SEMA3D: variants seen among roughly 807,000 people sequenced by gnomAD.
SEMA3D encodes semaphorin-3D.
SEMA3D carries 84 observed loss-of-function variants against 100.1 expected under a neutral mutation model. That is an observed-to-expected ratio of 0.84 (90% CI 0.70 to 1.01). The LOEUF is 1.01. Ranked by LOEUF, SEMA3D falls within the 50% of genes least tolerant of loss-of-function variation. The pLI is 0.00. For missense variants in SEMA3D, 875 were observed against 934.1 expected, an observed-to-expected ratio of 0.94 and a Z score of 0.82; for synonymous variants, 312 against 320.7, an observed-to-expected ratio of 0.97 and a Z score of 0.29.
chr7:85,181,747 T>C (rs1222901356), intron 1 of SEMA3D: 1 of 975,380 alleles, frequency 1.0e-6, no homozygotes, highest in East Asian at 1.1e-4. Context: ...GCTTTGCAAA[T>C]GAGTGAGCAA....
At position 85,078,524 on chromosome 7, in the gene SEMA3D, C is replaced by T. The variant is rs559789251; in HGVS notation, c.375+2993G>A. Among the ~76,000 whole-genome samples, 12 of 152,210 alleles carry T rather than the reference C, an allele frequency of 7.9e-5. No homozygotes were observed. In the South Asian group the frequency reaches 2.5e-3, roughly 32 times the overall value. Reference sequence around the variant, plus strand: ...CTTTTGCTTGGAGTAAGCTGTTTAACCCACAATTATATAGTCAGAACTAAA... The same window carrying T: ...CTTTTGCTTGGAGTAAGCTGTTTAATCCACAATTATATAGTCAGAACTAAA... On this transcript the variant is annotated intron_variant, in intron 5 of 18. Coordinates refer to ENST00000284136, the MANE Select transcript of SEMA3D (RefSeq NM_001384900.1).
At chr7:85,068,548 C>T (rs185206644) in intron 6 of SEMA3D, among the ~76,000 whole-genome samples, 183 of 152,226 alleles carry the variant, frequency 1.2e-3, no homozygotes, top group African/African-American at 3.8e-3. Flanking sequence ...CTCATCAATA[C>T]ATTTAGTCTC....
chr7:85,027,776 G>A, intron 12 of SEMA3D: 1 of 412,830 alleles, frequency 2.4e-6, no homozygotes, highest in South Asian at 2.0e-5. Flanking sequence ...AGCAGCTTTT[G>A]GGGTTCTGTG....
chr7:85,027,991 C>A (rs1660022898), intron 12 of SEMA3D: 1 of 570,430 alleles, frequency 1.8e-6, no homozygotes, highest in South Asian at 1.5e-5. Flanking sequence ...AGTGATACTC[C>A]AAATAATCAA....
At chr7:85,220,347 T>TA in the SEMA3D span, among the ~76,000 whole-genome samples, 4 of 147,096 alleles carry the variant, frequency 2.7e-5, no homozygotes, top group East Asian at 2.0e-4. Context: ...TTTTTTTTTT[T>TA]ATCTCTACAC....
At chr7:85,229,160 A>C in the SEMA3D span, among the ~76,000 whole-genome samples, 1 of 152,060 alleles carries the variant, frequency 6.6e-6, no homozygotes, top group African/African-American at 2.4e-5. Flanking sequence ...ATAAAAAGAA[A>C]ATATATGACA....
intron 9 of SEMA3D, among the ~76,000 whole-genome samples, chr7:85,051,387 A>T (rs145726585): frequency 6.6e-6 from 1 of 152,042 alleles, no homozygotes; most frequent in East Asian, 1.9e-4. Flanking sequence ...CATTTTTGAC[A>T]ACTGCTTTCT....
At chr7:85,029,301 T>G (rs1259158193) in intron 12 of SEMA3D, 1 of 1,072,692 alleles carries the variant, frequency 9.3e-7, no homozygotes, top group Non-Finnish European at 1.4e-6. Flanking sequence ...AGGAAGACAT[T>G]GAGCCTATGG....
rs573132474 is a variant in SEMA3D at position 85,096,534 on chromosome 7, A to G, written c.312+1271T>C. On this transcript the variant is annotated intron_variant, in intron 4 of 18. Coordinates refer to ENST00000284136, the MANE Select transcript of SEMA3D (RefSeq NM_001384900.1). ...TTTTTCATCCAAAAACACAGATTAC[A>G]TGAAATGTATGTGTATACATTTGCA... Among the ~76,000 whole-genome samples the G allele has an allele frequency of 1.5e-3, 232 of 152,028 alleles. 2 individuals are homozygous for G. The highest frequency in any genetic ancestry group is 5.3e-3 in the African/African-American group (221 of 41,556).
At chr7:85,155,801 G>A (rs2191483) in intron 1 of SEMA3D, among the ~76,000 whole-genome samples, 97,792 of 151,988 alleles carry the variant, frequency 0.64, 32,128 homozygotes, top group East Asian at 0.9. Flanking sequence ...AGAGCAACAA[G>A]TAATGAGCCC....
intron 4 of SEMA3D, among the ~76,000 whole-genome samples, chr7:85,092,432 A>G (rs1788422952): frequency 6.6e-6 from 1 of 152,022 alleles, no homozygotes; most frequent in South Asian, 2.1e-4. Context: ...GAAGGGCAAA[A>G]GAAAAAAATA....
At chr7:85,098,912 T>C (rs1788657179) in intron 3 of SEMA3D, among the ~76,000 whole-genome samples, 1 of 151,912 alleles carries the variant, frequency 6.6e-6, no homozygotes, top group African/African-American at 2.4e-5. Context: ...GGATGTCACA[T>C]AGTTTAAACC....
intron 2 of SEMA3D, among the ~76,000 whole-genome samples, chr7:85,127,200 CG>C (rs1642734400): frequency 6.6e-6 from 1 of 152,070 alleles, no homozygotes; most frequent in African/African-American, 2.4e-5. Context: ...AAACAAATTA[CG>C]ATTATCATCA....
the SEMA3D span, among the ~76,000 whole-genome samples, chr7:85,195,654 G>T: frequency 6.6e-6 from 1 of 152,040 alleles, no homozygotes; most frequent in Non-Finnish European, 1.5e-5. Flanking sequence ...TCAACTCAGC[G>T]CTGATTTTTC....
At chr7:85,085,767 T>G (rs1451305591) in intron 4 of SEMA3D, among the ~76,000 whole-genome samples, 1 of 152,188 alleles carries the variant, frequency 6.6e-6, no homozygotes, top group Non-Finnish European at 1.5e-5. Context: ...ATAGTTTGGT[T>G]TAGCTAGATG....
At chr7:85,113,086 G>C (rs969649319) in intron 3 of SEMA3D, among the ~76,000 whole-genome samples, 1 of 152,134 alleles carries the variant, frequency 6.6e-6, no homozygotes, top group Non-Finnish European at 1.5e-5. Flanking sequence ...CCTTAGTGAT[G>C]ATGGCGAGAT....
At chr7:85,231,552 G>A in the SEMA3D span, among the ~76,000 whole-genome samples, 12 of 145,716 alleles carry the variant, frequency 8.2e-5, no homozygotes, top group East Asian at 4.1e-4. Flanking sequence ...CCGGGTTCAC[G>A]CCATTCTCCT....
the SEMA3D span, among the ~76,000 whole-genome samples, chr7:85,204,825 T>C: frequency 6.6e-6 from 1 of 152,058 alleles, no homozygotes; most frequent in Non-Finnish European, 1.5e-5. Context: ...TTTCCAAATA[T>C]AGTAAGAACT....
chr7:85,207,894 A>T, the SEMA3D span, among the ~76,000 whole-genome samples: 1 of 152,088 alleles, frequency 6.6e-6, no homozygotes, highest in Non-Finnish European at 1.5e-5. Context: ...GAAAAAAATC[A>T]TTTAATACAT....
Sources: gnomAD v4.1 joint callset for allele counts (sites outside exome capture counted in the v4.1 genomes callset) on GRCh38, gnomAD v4.1.1 for gene constraint, MANE v1.5 for transcripts, NCBI Gene and HGNC (gene_info 2026-07-23, HGNC 2026-07-21) for gene names.